RNF157: variants seen among roughly 807,000 people sequenced by gnomAD.
RNF157 encodes E3 ubiquitin ligase RNF157.
RNF157 carries 55 observed loss-of-function variants against 88.3 expected under a neutral mutation model. The ratio of observed to expected loss-of-function variants is 0.62; its 90% CI spans 0.50 to 0.78. The LOEUF is 0.78. RNF157 is among the 30% of genes least tolerant of loss of function. The pLI, the probability that RNF157 is intolerant of heterozygous loss-of-function variation, is 0.00. For missense variants in RNF157, 788 were observed against 860.8 expected (o/e 0.92, Z 1.06); for synonymous variants, 334 against 341.2 (o/e 0.98, Z 0.23).
chr17:76,199,705 C>T (rs1233053097), intron 2 of RNF157, among the ~76,000 whole-genome samples: 1 of 152,018 alleles, frequency 6.6e-6, no homozygotes, highest in Non-Finnish European at 1.5e-5. Context: ...TGTGACTGCA[C>T]TTGGTGACGC....
At chr17:76,194,754 A>T (rs4789250) in intron 2 of RNF157, among the ~76,000 whole-genome samples, 1 of 151,954 alleles carries the variant, frequency 6.6e-6, no homozygotes, top group Non-Finnish European at 1.5e-5. Context: ...GGTGGCTCAC[A>T]CCTGTAATCC....
At chr17:76,154,060 T>C (rs2144809303) in intron 17 of RNF157, 3 of 547,638 alleles carry the variant, frequency 5.5e-6, no homozygotes, top group Non-Finnish European at 6.6e-6. Flanking sequence ...CACCCGCACC[T>C]GACATCCATG....
At position 76,210,364 on chromosome 17, in the gene RNF157, T is replaced by C. The variant is rs60936294; in HGVS notation, c.207+2000A>G. On this transcript the variant is annotated intron_variant, in intron 2 of 18. Transcript: ENST00000269391. The stretch of plus-strand genomic sequence containing the variant: ...ATCCCAGCACTTTGGGAGGCCAAGG[T>C]GGGCGGATCACGAGGTCAGATCGAG... Among the ~76,000 whole-genome samples, 1,252 of 151,448 alleles carry C rather than the reference T, an allele frequency of 8.3e-3. 3 individuals carry two copies. Among genetic ancestry groups the C allele is most frequent in the Non-Finnish European group, 0.012 (810 of 67,850 alleles).
At chr17:76,187,373 T>C (rs1344082294) in intron 2 of RNF157, among the ~76,000 whole-genome samples, 1 of 150,972 alleles carries the variant, frequency 6.6e-6, no homozygotes, top group East Asian at 2.0e-4. Flanking sequence ...TGAGTAGAGA[T>C]GGGGGTTTCA....
intron 6 of RNF157, 137 bp from the exon 7 acceptor site, chr17:76,165,682 A>T: frequency 2.0e-5 from 16 of 787,030 alleles, no homozygotes; most frequent in Admixed American, 5.2e-5. Context: ...TATAACCCAT[A>T]CTTTTTTTTT....
chr17:76,156,500 G>A, intron 13 of RNF157, 179 bp from the exon 14 acceptor site: 1 of 1,415,346 alleles, frequency 7.1e-7, no homozygotes, highest in Non-Finnish European at 9.2e-7. Flanking sequence ...CCCAAGCCTG[G>A]AATGACTGCC....
intron 2 of RNF157, among the ~76,000 whole-genome samples, chr17:76,184,572 T>C (rs923029418): frequency 3.9e-5 from 6 of 152,230 alleles, no homozygotes. Context: ...GACAGACTGA[T>C]GTGCCTGCTG....
At chr17:76,153,754 A>G (rs1210836562) in intron 17 of RNF157, 2 of 153,726 alleles carry the variant, frequency 1.3e-5, no homozygotes, top group African/African-American at 4.8e-5. Flanking sequence ...GAGCTCCTGA[A>G]GAAACTTGGA....
At chr17:76,192,182 A>G (rs891242940) in intron 2 of RNF157, among the ~76,000 whole-genome samples, 1 of 152,234 alleles carries the variant, frequency 6.6e-6, no homozygotes, top group Non-Finnish European at 1.5e-5. Flanking sequence ...CAGATGCTTT[A>G]GTTCCACTAC....
chr17:76,158,996 T>C (rs374639994), intron 12 of RNF157, among the ~76,000 whole-genome samples: 30 of 152,296 alleles, frequency 2.0e-4, no homozygotes, highest in East Asian at 1.5e-3. Flanking sequence ...GAGATACGGA[T>C]CACAAGGTTC....
At chr17:76,213,307 T>C (rs1449507493) in intron 1 of RNF157, among the ~76,000 whole-genome samples, 1 of 151,984 alleles carries the variant, frequency 6.6e-6, no homozygotes, top group Admixed American at 6.6e-5. Flanking sequence ...TGGTGGCTCA[T>C]GCCTGTAATC....
At chr17:76,154,917 T>C (rs1399017217) in intron 16 of RNF157, among the ~76,000 whole-genome samples, 2 of 152,120 alleles carry the variant, frequency 1.3e-5, no homozygotes, top group African/African-American at 2.4e-5. Flanking sequence ...CTAGCACCAG[T>C]AGAGCACCTG....
intron 2 of RNF157, among the ~76,000 whole-genome samples, chr17:76,196,659 C>T (rs958556454): frequency 6.6e-6 from 1 of 151,192 alleles, no homozygotes; most frequent in African/African-American, 2.5e-5. Flanking sequence ...TCCCCAACTC[C>T]CTCCCCAGGT....
chr17:76,179,369 G>T (rs1024505680), intron 2 of RNF157, among the ~76,000 whole-genome samples: 1 of 152,012 alleles, frequency 6.6e-6, no homozygotes, highest in African/African-American at 2.4e-5. Flanking sequence ...ACTCCAGCTT[G>T]GGGGAGAGAG....
At chr17:76,228,741 G>A (rs1460908801) in intron 1 of RNF157, among the ~76,000 whole-genome samples, 2 of 151,768 alleles carry the variant, frequency 1.3e-5, no homozygotes, top group Non-Finnish European at 2.9e-5. Flanking sequence ...TGGCCAACAT[G>A]GTGAAACCCC....
At chr17:76,228,335 C>A (rs1334535440) in intron 1 of RNF157, among the ~76,000 whole-genome samples, 1 of 152,144 alleles carries the variant, frequency 6.6e-6, no homozygotes, top group Non-Finnish European at 1.5e-5. Context: ...GCTCTCAGAA[C>A]CCTTATGCAT....
intron 1 of RNF157, among the ~76,000 whole-genome samples, chr17:76,235,862 A>AGCCAGGCATGGTGGTATGT (rs1480612815): frequency 1.3e-5 from 2 of 152,102 alleles, no homozygotes; most frequent in African/African-American, 4.8e-5. Flanking sequence ...TTTAAACATT[A>AGCCAGGCATGGTGGTATGT]GCCAGGCATG....
intron 3 of RNF157, among the ~76,000 whole-genome samples, chr17:76,172,050 C>A (rs59479793): frequency 2.0e-5 from 3 of 152,176 alleles, no homozygotes; most frequent in Non-Finnish European, 4.4e-5. Context: ...TGGGTCAGGT[C>A]GGGGGACTGT....
chr17:76,217,140 A>T (rs540054905), intron 1 of RNF157, among the ~76,000 whole-genome samples: 1 of 152,240 alleles, frequency 6.6e-6, no homozygotes, highest in Non-Finnish European at 1.5e-5. Context: ...TGTATGAATT[A>T]AAAAGAGCTC....
Sources: allele counts gnomAD v4.1 joint callset (sites outside exome capture counted in the v4.1 genomes callset), GRCh38; gene constraint gnomAD v4.1.1; transcripts MANE v1.5; gene names NCBI Gene and HGNC (gene_info 2026-07-23, HGNC 2026-07-21).